ZNF804B: variants seen among roughly 807,000 people sequenced by gnomAD.
ZNF804B encodes zinc finger protein 804B.
Under a neutral mutation model 101.4 loss-of-function variants are expected in ZNF804B, and 80 were observed. The ratio of observed to expected loss-of-function variants is 0.79; its 90% CI spans 0.66 to 0.95. The LOEUF (loss-of-function observed/expected upper bound fraction) is 0.95, where lower values mean the gene tolerates loss of function less well. Among genes scored for constraint, ZNF804B ranks in the 40% least tolerant of loss-of-function variants. ZNF804B has a pLI of 0.00. For missense variants in ZNF804B, 1,673 were observed against 1,561.9 expected (o/e 1.07, Z -1.20); for synonymous variants, 622 against 558.8 (o/e 1.11, Z -1.59).
Position 89,333,301 on chromosome 7 carries a change from C to T in ZNF804B, c.381-62C>T, listed in dbSNP as rs142025909. On this transcript the variant is annotated intron_variant, in intron 3 of 3. Transcript: ENST00000333190. ...CATCTTAGAAACACTATGAAATGTTCATATGTAGATATGATTCCAAAGCTA... is the reference window on the plus strand; with the variant it reads ...CATCTTAGAAACACTATGAAATGTTTATATGTAGATATGATTCCAAAGCTA... The T allele has an allele frequency of 1.2e-3, 1,691 of 1,393,742 alleles. 23 individuals are homozygous for T. The African/African-American group carries it at 0.022, about 18-fold the overall frequency. 86.3% of individuals were successfully genotyped at this position (1,393,742 alleles called of 1,614,324 possible). A position where few individuals can be genotyped will look rare whatever the true frequency, so the allele number is the denominator to read the frequency against.
chr7:88,823,673 A>C (rs1791015079), intron 1 of ZNF804B, among the ~76,000 whole-genome samples: 1 of 152,098 alleles, frequency 6.6e-6, no homozygotes, highest in South Asian at 2.1e-4. Context: ...CTCAGTCCCC[A>C]GGTACCATGA....
At chr7:88,980,119 G>A (rs572571592) in intron 1 of ZNF804B, among the ~76,000 whole-genome samples, 1 of 151,662 alleles carries the variant, frequency 6.6e-6, no homozygotes, top group South Asian at 2.1e-4. Context: ...ACAATGTGCA[G>A]GTTAGTTACA....
intron 1 of ZNF804B, among the ~76,000 whole-genome samples, chr7:88,806,968 A>T (rs1340736053): frequency 6.6e-6 from 1 of 152,148 alleles, no homozygotes; most frequent in East Asian, 1.9e-4. Context: ...CTTCACGGTC[A>T]TATTATTATA....
At chr7:88,852,471 C>A (rs1791462037) in intron 1 of ZNF804B, among the ~76,000 whole-genome samples, 3 of 151,956 alleles carry the variant, frequency 2.0e-5, no homozygotes, top group Admixed American at 6.6e-5. Flanking sequence ...CATTGTAGTT[C>A]TGCTGCCCAA....
intron 3 of ZNF804B, among the ~76,000 whole-genome samples, chr7:89,329,997 C>G (rs114416358): frequency 0.012 from 1,827 of 151,624 alleles, 36 homozygotes; most frequent in African/African-American, 0.041. Flanking sequence ...ATTTGTTAAG[C>G]TGCAGAGTAT....
intron 1 of ZNF804B, among the ~76,000 whole-genome samples, chr7:88,934,333 A>G (rs1024022051): frequency 1.3e-5 from 2 of 151,924 alleles, no homozygotes; most frequent in African/African-American, 4.8e-5. Context: ...CTACACATGG[A>G]CTTAGGCAAA....
At chr7:88,945,606 G>GT (rs201655518) in intron 1 of ZNF804B, among the ~76,000 whole-genome samples, 20,980 of 151,990 alleles carry the variant, frequency 0.14, 1,973 homozygotes, top group East Asian at 0.37. Flanking sequence ...ATTTAAAGTA[G>GT]TTTTTTCTAA....
rs1171147894 is a variant in ZNF804B, at chr7:88,896,684, GTAATACT to G, written c.108+136605_108+136611del. Among the ~76,000 whole-genome samples the G allele has an allele frequency of 2.0e-5, 3 of 152,128 alleles. No individual in the cohort carries two copies. The South Asian group carries it at 6.2e-4, about 31-fold the overall frequency. ...TTTATCAGAGAGGTTTCTCTGGGAG[GTAATACT>G]TAATCATTTGGCCAAATAAATAATT... On this transcript the variant is annotated intron_variant, in intron 1 of 3. Transcript: ENST00000333190.
intron 1 of ZNF804B, among the ~76,000 whole-genome samples, chr7:89,197,101 C>A (rs1415942440): frequency 6.6e-5 from 10 of 151,966 alleles, no homozygotes; most frequent in Non-Finnish European, 1.5e-5. Flanking sequence ...TTTGACCCAG[C>A]AATCTTAATA....
chr7:89,144,389 T>C (rs1357853434), intron 1 of ZNF804B, among the ~76,000 whole-genome samples: 1 of 152,006 alleles, frequency 6.6e-6, no homozygotes, highest in Non-Finnish European at 1.5e-5. Flanking sequence ...ATTCTGCTCT[T>C]TCAAAAAAGA....
intron 1 of ZNF804B, among the ~76,000 whole-genome samples, chr7:89,046,074 ATAAG>A: frequency 6.6e-6 from 1 of 152,016 alleles, no homozygotes. Context: ...TATTCCCGTG[ATAAG>A]TGAGTGAGTT....
intron 1 of ZNF804B, among the ~76,000 whole-genome samples, chr7:89,194,200 A>T (rs1324139797): frequency 1.3e-5 from 2 of 151,996 alleles, no homozygotes; most frequent in Admixed American, 1.3e-4. Context: ...TTCATTGTAG[A>T]TTCTGGATAT....
chr7:88,973,396 C>A (rs1793565518), intron 1 of ZNF804B, among the ~76,000 whole-genome samples: 2 of 151,170 alleles, frequency 1.3e-5, no homozygotes, highest in African/African-American at 4.8e-5. Flanking sequence ...CAGGCCAATC[C>A]TGGTATGTTT....
intron 2 of ZNF804B, among the ~76,000 whole-genome samples, chr7:89,311,599 C>T (rs192175819): frequency 6.6e-6 from 1 of 152,262 alleles, no homozygotes; most frequent in Non-Finnish European, 1.5e-5. Context: ...CAAACCTGAA[C>T]ACACTCTCTG....
At chr7:89,081,577 A>G (rs551118272) in intron 1 of ZNF804B, among the ~76,000 whole-genome samples, 7 of 151,866 alleles carry the variant, frequency 4.6e-5, no homozygotes, top group African/African-American at 7.2e-5. Flanking sequence ...AGGAAGAGAT[A>G]AAAAAGAAAA....
intron 2 of ZNF804B, among the ~76,000 whole-genome samples, chr7:89,246,805 T>G (rs1167689457): frequency 6.6e-6 from 1 of 152,018 alleles, no homozygotes; most frequent in Admixed American, 6.6e-5. Flanking sequence ...TACTCCATAC[T>G]TAGGCATATC....
At chr7:88,979,645 T>C (rs1413842179) in intron 1 of ZNF804B, among the ~76,000 whole-genome samples, 1 of 151,336 alleles carries the variant, frequency 6.6e-6, no homozygotes, top group Non-Finnish European at 1.5e-5. Context: ...TCTTTCTTTA[T>C]TCTTGAACTT....
At chr7:89,312,685 C>T (rs1426322392) in intron 2 of ZNF804B, among the ~76,000 whole-genome samples, 1 of 151,812 alleles carries the variant, frequency 6.6e-6, no homozygotes, top group Admixed American at 6.6e-5. Context: ...GTATTGCAAC[C>T]AGAACACATA....
chr7:89,005,794 T>C (rs559903253), intron 1 of ZNF804B, among the ~76,000 whole-genome samples: 81 of 152,220 alleles, frequency 5.3e-4, no homozygotes, highest in African/African-American at 1.8e-3. Context: ...TGTCATTACA[T>C]TGCAGACCTT....
Sources: gnomAD v4.1 joint callset for allele counts (sites outside exome capture counted in the v4.1 genomes callset) on GRCh38, gnomAD v4.1.1 for gene constraint, MANE v1.5 for transcripts, NCBI Gene and HGNC (gene_info 2026-07-23, HGNC 2026-07-21) for gene names.